Variants in ZHX2 observed in about 807,000 individuals in gnomAD.
ZHX2 encodes zinc fingers and homeoboxes 2.
ZHX2 carries 6 observed loss-of-function variants against 21.9 expected under a neutral mutation model. That is an observed-to-expected ratio of 0.27 (90% CI 0.15 to 0.54). ZHX2 has a LOEUF of 0.54. ZHX2 is among the 20% of genes least tolerant of loss of function. The pLI, the probability that ZHX2 is intolerant of heterozygous loss-of-function variation, is 0.95. For missense variants in ZHX2, 908 were observed against 1,090.7 expected (o/e 0.83, Z 2.36); for synonymous variants, 434 against 437.1 (o/e 0.99, Z 0.09).
At chr8:122,853,111 C>T (rs1211736125) in intron 1 of ZHX2, among the ~76,000 whole-genome samples, 1 of 152,138 alleles carries the variant, frequency 6.6e-6, no homozygotes, top group African/African-American at 2.4e-5. Flanking sequence ...TGGGTCCTAT[C>T]CCAGGGTTTT....
chr8:122,815,107 G>T (rs2130617782), intron 1 of ZHX2, among the ~76,000 whole-genome samples: 1 of 152,216 alleles, frequency 6.6e-6, no homozygotes, highest in East Asian at 1.9e-4. Flanking sequence ...ATATGAAAGG[G>T]GTTCATAATC....
rs563367791 is a variant in ZHX2 at position 122,917,686 on chromosome 8, T to C, written c.-219-33606T>C. On this transcript the variant is annotated intron_variant, in intron 2 of 3. Transcript: ENST00000314393. ...AACATGGTCTTCTTAAGTCAGGGTA[T>C]GTGCCTTCCTAAGGATGAGTTACTT... Among the ~76,000 whole-genome samples, 21 of 152,330 alleles carry C rather than the reference T, an allele frequency of 1.4e-4. No homozygotes were observed. In the East Asian group the frequency reaches 3.9e-3, roughly 28 times the overall value.
intron 1 of ZHX2, among the ~76,000 whole-genome samples, chr8:122,848,136 A>C (rs1396770344): frequency 2.0e-5 from 3 of 152,174 alleles, no homozygotes; most frequent in Non-Finnish European, 4.4e-5. Context: ...GGAATGAATG[A>C]GTGAGTATAG....
chr8:122,807,315 A>G (rs1314461232), intron 1 of ZHX2, among the ~76,000 whole-genome samples: 7 of 152,234 alleles, frequency 4.6e-5, no homozygotes, highest in Non-Finnish European at 1.0e-4. Flanking sequence ...TAATGGAGGA[A>G]ATGGTTCATT....
intron 2 of ZHX2, among the ~76,000 whole-genome samples, chr8:122,898,109 G>A (rs922751663): frequency 1.3e-5 from 2 of 152,122 alleles, no homozygotes; most frequent in African/African-American, 2.4e-5. Flanking sequence ...GACAATCCTT[G>A]CCTAGGTGCC....
chr8:122,883,814 T>C (rs1486973123), intron 2 of ZHX2, among the ~76,000 whole-genome samples: 3 of 152,200 alleles, frequency 2.0e-5, no homozygotes, highest in African/African-American at 7.2e-5. Context: ...TGAAATCAGA[T>C]GAAAGTTGTA....
intron 2 of ZHX2, among the ~76,000 whole-genome samples, chr8:122,880,037 A>G (rs922902531): frequency 4.7e-5 from 7 of 149,212 alleles, no homozygotes; most frequent in Non-Finnish European, 8.9e-5. Context: ...CAGTGGTGCA[A>G]TCTCAGCTCA....
At chr8:122,968,227 C>T (rs1442071173) in intron 3 of ZHX2, among the ~76,000 whole-genome samples, 2 of 152,140 alleles carry the variant, frequency 1.3e-5, no homozygotes, top group Non-Finnish European at 2.9e-5. Context: ...AGGCCAGGAG[C>T]AGGAAAGGCA....
intron 2 of ZHX2, among the ~76,000 whole-genome samples, chr8:122,920,774 C>T (rs1820717918): frequency 6.6e-6 from 1 of 152,158 alleles, no homozygotes; most frequent in African/African-American, 2.4e-5. Context: ...TAGAGAGCTG[C>T]ATTGGGAAGC....
intron 1 of ZHX2, among the ~76,000 whole-genome samples, chr8:122,857,794 T>C (rs1323027420): frequency 6.6e-6 from 1 of 152,102 alleles, no homozygotes; most frequent in African/African-American, 2.4e-5. Context: ...GTTTACCATC[T>C]GTAGAATGGG....
chr8:122,867,179 G>T (rs948912983), intron 2 of ZHX2, among the ~76,000 whole-genome samples: 3 of 152,122 alleles, frequency 2.0e-5, no homozygotes, highest in Non-Finnish European at 4.4e-5. Flanking sequence ...ATCCTACTTT[G>T]TGGTCTTATA....
chr8:122,962,828 T>G (rs1157629873), intron 3 of ZHX2, among the ~76,000 whole-genome samples: 1 of 152,206 alleles, frequency 6.6e-6, no homozygotes, highest in African/African-American at 2.4e-5. Flanking sequence ...CTTGCAGGAG[T>G]TAGGTAGTAT....
chr8:122,922,481 G>T (rs538667041), intron 2 of ZHX2, among the ~76,000 whole-genome samples: 1 of 152,324 alleles, frequency 6.6e-6, no homozygotes, highest in East Asian at 1.9e-4. Context: ...CATTGCTCCT[G>T]TGAGACTCTG....
chr8:122,970,963 G>A (rs1399203847), intron 3 of ZHX2, among the ~76,000 whole-genome samples: 1 of 152,224 alleles, frequency 6.6e-6, no homozygotes, highest in Non-Finnish European at 1.5e-5. Flanking sequence ...AATAGGTACA[G>A]GGAGGAGCAA....
At chr8:122,901,700 G>T (rs989551429) in intron 2 of ZHX2, among the ~76,000 whole-genome samples, 1 of 152,172 alleles carries the variant, frequency 6.6e-6, no homozygotes, top group Non-Finnish European at 1.5e-5. Flanking sequence ...GGGCCGGTTA[G>T]TTCTTTGTCA....
intron 2 of ZHX2, among the ~76,000 whole-genome samples, chr8:122,871,703 T>C (rs1269064301): frequency 9.9e-6 from 1 of 101,182 alleles, no homozygotes; most frequent in Non-Finnish European, 1.9e-5. Context: ...CCTTTACATA[T>C]AATAAATAAA....
intron 2 of ZHX2, among the ~76,000 whole-genome samples, chr8:122,884,666 C>T (rs1405896659): frequency 4.6e-5 from 7 of 152,182 alleles, no homozygotes; most frequent in African/African-American, 1.4e-4. Flanking sequence ...TGGTCTTCAC[C>T]GAGGAGGAGG....
At chr8:122,803,921 A>G (rs956695632) in intron 1 of ZHX2, among the ~76,000 whole-genome samples, 3 of 152,220 alleles carry the variant, frequency 2.0e-5, no homozygotes, top group African/African-American at 7.2e-5. Flanking sequence ...CTGTCTCCCC[A>G]CAGAGGAGAA....
At chr8:122,853,167 A>G (rs1818942890) in intron 1 of ZHX2, among the ~76,000 whole-genome samples, 1 of 152,160 alleles carries the variant, frequency 6.6e-6, no homozygotes, top group South Asian at 2.1e-4. Flanking sequence ...GATCACTCTC[A>G]GCTACCTGCC....
Sources: allele counts gnomAD v4.1 joint callset (sites outside exome capture counted in the v4.1 genomes callset), GRCh38; gene constraint gnomAD v4.1.1; transcripts MANE v1.5; gene names NCBI Gene and HGNC (gene_info 2026-07-23, HGNC 2026-07-21).